DNAH6: variants seen among roughly 807,000 people sequenced by gnomAD.
The protein encoded by DNAH6 is axonemal beta dynein heavy chain 6.
A neutral mutation model predicts 491.4 loss-of-function variants in DNAH6; 340 were observed. The ratio of observed to expected loss-of-function variants is 0.69; its 90% confidence interval spans 0.63 to 0.76. The LOEUF is 0.76. Ranked by LOEUF, DNAH6 falls within the 30% of genes least tolerant of loss-of-function variation. DNAH6 has a pLI of 0.00. For synonymous variants in DNAH6, 1,603 were observed against 1,686.1 expected (o/e 0.95, Z 1.21); for missense variants, 4,443 against 4,972.2 (o/e 0.89, Z 3.20).
At chr2:84,793,996 A>G (rs183948821) in intron 68 of DNAH6, among the ~76,000 whole-genome samples, 4,279 of 152,314 alleles carry the variant, frequency 0.028, 209 homozygotes, top group African/African-American at 0.098. Context: ...TCAATGGAAC[A>G]GAACAGAGCC....
intron 64 of DNAH6, among the ~76,000 whole-genome samples, chr2:84,773,722 G>A (rs764718875): frequency 2.5e-4 from 38 of 151,954 alleles, no homozygotes; most frequent in African/African-American, 8.4e-4. Flanking sequence ...TAAGTGTTCC[G>A]TTTTCAATGC....
At chr2:84,561,737 G>C (rs957165927) in intron 11 of DNAH6, among the ~76,000 whole-genome samples, 14 of 152,164 alleles carry the variant, frequency 9.2e-5, no homozygotes, top group Non-Finnish European at 1.9e-4. Context: ...CAAAGGATAT[G>C]AACAGACATT....
the DNAH6 span, among the ~76,000 whole-genome samples, chr2:84,506,664 A>G: frequency 1.3e-5 from 2 of 148,442 alleles, no homozygotes; most frequent in African/African-American, 5.0e-5. Context: ...CCTGAATGGT[A>G]TTGCCTAGGT....
Position 84,670,484 on chromosome 2 carries a change from C to A in DNAH6, c.6454+9C>A. 1.3e-6 allele frequency: 2 copies of A among 1,491,652 alleles called. No individual in the cohort carries two copies. The highest frequency in any genetic ancestry group is 1.3e-5 in the South Asian group (1 of 77,816). The allele number at this position is 1,491,652 out of a possible 1,614,324, so 92.4% of individuals were successfully genotyped here. A position where few individuals can be genotyped will look rare whatever the true frequency, so the allele number is the denominator to read the frequency against. On this transcript the variant is annotated intron_variant, in intron 39 of 76. Coordinates refer to ENST00000389394, the MANE Select transcript of DNAH6 (RefSeq NM_001370.2). ...AAGAAAAAATATTCTAGGTAAGAAT[C>A]ATTATTTTAGTTTGTCCCACACAAA... is the stretch of plus-strand genomic sequence containing the variant.
intron 73 of DNAH6, among the ~76,000 whole-genome samples, chr2:84,812,747 C>A (rs114426251): frequency 0.026 from 3,981 of 152,300 alleles, 79 homozygotes; most frequent in Non-Finnish European, 0.038. Flanking sequence ...TTCCAGGCAT[C>A]CTTGGGGTTT....
At chr2:84,657,245 G>A (rs1361033782) in intron 35 of DNAH6, among the ~76,000 whole-genome samples, 1 of 152,040 alleles carries the variant, frequency 6.6e-6, no homozygotes, top group Non-Finnish European at 1.5e-5. Flanking sequence ...TGTATAGTAA[G>A]TCTTGAAGTT....
At chr2:84,648,312 C>G (rs1383647912) in intron 33 of DNAH6, among the ~76,000 whole-genome samples, 1 of 152,202 alleles carries the variant, frequency 6.6e-6, no homozygotes, top group African/African-American at 2.4e-5. Context: ...AACACAACAT[C>G]CATTCTGTAG....
At chr2:84,819,146 A>G (rs146364119) in intron 76 of DNAH6, among the ~76,000 whole-genome samples, 159 bp from the exon 77 acceptor site, 5 of 152,352 alleles carry the variant, frequency 3.3e-5, no homozygotes, top group Non-Finnish European at 7.3e-5. Context: ...TCTTCATTTT[A>G]TAGAGCATAA....
rs187514155 is a variant in DNAH6, at chr2:84,658,173, T to C, written c.5758-119T>C. On this transcript the variant is annotated intron_variant, in intron 35 of 76. Transcript: ENST00000389394. Reference sequence around the variant, plus strand: ...TTTGTTTAATATGTTGTGATAGTTATAGCCTTTGGTCTAAAGGTCACTGAA... The same window carrying C: ...TTTGTTTAATATGTTGTGATAGTTACAGCCTTTGGTCTAAAGGTCACTGAA... 1,412 of 612,428 alleles carry C rather than the reference T, an allele frequency of 2.3e-3. 4 individuals carry two copies. Among genetic ancestry groups the C allele is most frequent in the South Asian group, 8.7e-3 (264 of 30,452 alleles). The allele number at this position is 612,428 out of a possible 1,614,324, so 37.9% of individuals were successfully genotyped here.
chr2:84,486,236 A>C, the DNAH6 span, among the ~76,000 whole-genome samples: 1 of 152,202 alleles, frequency 6.6e-6, no homozygotes, highest in Non-Finnish European at 1.5e-5. Context: ...CAACCTTTCT[A>C]AAACACATGC....
Position 84,785,761 on chromosome 2 carries a change from AC to A in DNAH6, c.11100+6del. 1 of 1,520,398 alleles carries A rather than the reference AC, an allele frequency of 6.6e-7. No homozygotes were observed. The highest frequency in any genetic ancestry group is 1.4e-5 in the African/African-American group (1 of 71,452). 94.2% of individuals were successfully genotyped at this position (1,520,398 alleles called of 1,614,324 possible). A position where few individuals can be genotyped will look rare whatever the true frequency, so the allele number is the denominator to read the frequency against. ...TTCTTCCATGCAATTATTCAGGTAC[AC>A]TCAACTCTGCTTTTCAATAGCAACA... is the stretch of plus-strand genomic sequence containing the variant. On this transcript the variant is annotated splice_donor_region_variant and intron_variant, in intron 67 of 76. Coordinates refer to ENST00000389394, the MANE Select transcript of DNAH6 (RefSeq NM_001370.2).
chr2:84,710,750 A>T (rs1696963128), intron 56 of DNAH6, among the ~76,000 whole-genome samples: 3 of 152,192 alleles, frequency 2.0e-5, no homozygotes, highest in Non-Finnish European at 1.5e-5. Flanking sequence ...TACAATAATG[A>T]TGCGAAGCCA....
At chr2:84,601,922 C>A (rs568331088) in intron 18 of DNAH6, among the ~76,000 whole-genome samples, 1 of 151,824 alleles carries the variant, frequency 6.6e-6, no homozygotes, top group African/African-American at 2.4e-5. Context: ...AAATTGTTAT[C>A]CTAAGCTTAA....
the DNAH6 span, among the ~76,000 whole-genome samples, chr2:84,477,080 T>A: frequency 2.0e-5 from 3 of 149,344 alleles, no homozygotes; most frequent in East Asian, 5.9e-4. Context: ...AGTCAAAGGA[T>A]TGAGAAAAAG....
chr2:84,688,795 A>AT (rs1161359962), intron 45 of DNAH6, among the ~76,000 whole-genome samples: 1 of 152,128 alleles, frequency 6.6e-6, no homozygotes, highest in Non-Finnish European at 1.5e-5. Context: ...CCCCAGAGTC[A>AT]TTTTTTTGCT....
chr2:84,819,341 C>A lies in DNAH6; in HGVS notation c.12410C>A (p.Pro4137His). ...STNFVVTVLL[P>H]SKRSKDYWIA... ...AATTTTGTGGTAACCGTCCTGTTAC[C>A]CTCCAAGCGGTCCAAAGACTACTGG... Residue 4137 changes from proline to histidine, a missense_variant, in exon 77 of 77, where the codon CCC becomes CAC. Coordinates refer to ENST00000389394, the MANE Select transcript of DNAH6 (RefSeq NM_001370.2). The A allele has an allele frequency of 6.4e-7, 1 of 1,551,208 alleles. No homozygotes were observed. Among genetic ancestry groups the A allele is most frequent in the Non-Finnish European group, 8.7e-7 (1 of 1,146,768 alleles).
At position 84,707,590 on chromosome 2, in the gene DNAH6, G is replaced by A. The variant is rs1696600063; in HGVS notation, c.8922G>A (p.Glu2974=). ...AGCTGACAGCAGCATTAGAAGATGA[G>A]CAGGTTCGATGGGAAGAAAGCATAC... ...AGKLTAALED[E]QVRWEESIQK... The change falls in exon 54 of 77, where the codon GAG becomes GAA. Residue 2974 remains glutamate (E), a synonymous_variant. Transcript: ENST00000389394. 2 of 1,552,022 alleles carry A rather than the reference G, an allele frequency of 1.3e-6. No individual in the cohort carries two copies. The highest frequency in any genetic ancestry group is 2.0e-5 in the Admixed American group (1 of 51,000).
At chr2:84,798,521 C>T (rs1678554616) in intron 70 of DNAH6, among the ~76,000 whole-genome samples, 1 of 152,204 alleles carries the variant, frequency 6.6e-6, no homozygotes, top group South Asian at 2.1e-4. Flanking sequence ...CACTCATCCC[C>T]CAAAGCTCTC....
Position 84,704,220 on chromosome 2 carries a change from A to G in DNAH6, c.8383A>G (p.Ile2795Val). 1 of 1,551,902 alleles carries G rather than the reference A, an allele frequency of 6.4e-7. No homozygotes were observed. The highest frequency in any genetic ancestry group is 8.7e-7 in the Non-Finnish European group (1 of 1,147,030). The stretch of plus-strand genomic sequence containing the variant: ...ACTGGATTCCTTAGATAAGGCAGAT[A>G]TATCTGAAATCAGAGTTTTTACAAA... ...KALDSLDKAD[I>V]SEIRVFTKPP... Residue 2795 changes from isoleucine (I) to valine (V), a missense_variant, in exon 51 of 77, where the codon ATA becomes GTA. By Grantham distance (29) the Ile-to-Val change is conservative. This residue lies in a region of DNAH6 where 1,463 missense variants were observed against 1,656.6 expected (regional missense o/e 0.88). Transcript: ENST00000389394.
Sources: allele counts gnomAD v4.1 joint callset (sites outside exome capture counted in the v4.1 genomes callset), GRCh38; gene constraint gnomAD v4.1.1; regional missense constraint gnomAD v4.1.1; transcripts MANE v1.5; gene names NCBI Gene and HGNC (gene_info 2026-07-23, HGNC 2026-07-21).